The following POLD3 variants were observed in gnomAD, a reference collection of about 807,000 sequenced individuals.
POLD3 encodes DNA polymerase delta subunit 3.
In POLD3, 19 loss-of-function variants were observed where a neutral mutation model predicts 58.2. That is an observed-to-expected ratio of 0.33 (90% CI 0.23 to 0.48). The LOEUF is 0.48. Ranked by LOEUF, POLD3 falls within the 20% of genes least tolerant of loss-of-function variation. POLD3 has a pLI of 0.99. For synonymous variants in POLD3, 172 were observed against 193.5 expected (o/e 0.89, Z 0.92); for missense variants, 504 against 545.5 (o/e 0.92, Z 0.76).
chr11:74,610,026 A>T (rs2135134722), intron 3 of POLD3, among the ~76,000 whole-genome samples: 1 of 152,256 alleles, frequency 6.6e-6, no homozygotes, highest in East Asian at 1.9e-4. Context: ...CTAGAGTAGG[A>T]TTGCTCGGTC....
chr11:74,641,989 C>T lies in POLD3; in HGVS notation c.*1223C>T. On this transcript the variant is annotated 3_prime_UTR_variant, in exon 12 of 12. Transcript: ENST00000263681. The stretch of plus-strand genomic sequence containing the variant: ...GACAGGCGGTGAGCTCAGTGGATTG[C>T]AGTGGTGTGCTGGTGATTTTGCACA... 7.1e-6 allele frequency: 7 copies of T among 985,414 alleles called. No homozygotes were observed. Among genetic ancestry groups the T allele is most frequent in the Non-Finnish European group, 8.4e-6 (7 of 829,936 alleles). 61.0% of individuals were successfully genotyped at this position (985,414 alleles called of 1,614,324 possible). A position where few individuals can be genotyped will look rare whatever the true frequency, so the allele number is the denominator to read the frequency against.
Position 74,648,161 on chromosome 11 carries a change from A to G in POLD3, c.369+11886A>G, listed in dbSNP as rs549928124. On this transcript the variant is annotated intron_variant, in intron 4 of 4. Coordinates refer to the POLD3 transcript ENST00000524752. ...GGGTGGATCAAAAGGAGCAAAATGA[A>G]TTATACCTTTACAATTGTCATTCTC... Among the ~76,000 whole-genome samples the G allele has an allele frequency of 2.6e-5, 4 of 152,340 alleles. No individual in the cohort carries two copies. The East Asian group carries it at 7.7e-4, about 29-fold the overall frequency.
chr11:74,606,750 C>T (rs1354854194), intron 3 of POLD3, among the ~76,000 whole-genome samples: 1 of 152,130 alleles, frequency 6.6e-6, no homozygotes, highest in African/African-American at 2.4e-5. Flanking sequence ...TTCCTCAGTG[C>T]ATATTTCCGA....
At chr11:74,651,437 C>T (rs929383812) in intron 4 of POLD3, among the ~76,000 whole-genome samples, 3 of 152,198 alleles carry the variant, frequency 2.0e-5, no homozygotes, top group African/African-American at 7.2e-5. Flanking sequence ...TAAAACTACA[C>T]AGTCATGAAC....
In POLD3 at chr11:74,612,391, G is replaced by A. The variant is rs552273835; in HGVS notation, c.260-487G>A. Reference sequence around the variant, plus strand: ...AGTTAGCTGCAATCCCTTCCTTCGCGGAACCTAACATTTATTCTTGTGGTG... The same window carrying A: ...AGTTAGCTGCAATCCCTTCCTTCGCAGAACCTAACATTTATTCTTGTGGTG... On this transcript the variant is annotated intron_variant, in intron 4 of 11. Coordinates refer to ENST00000263681, the MANE Select transcript of POLD3 (RefSeq NM_006591.3). Among the ~76,000 whole-genome samples the A allele has an allele frequency of 3.3e-5, 5 of 152,174 alleles. No individual in the cohort carries two copies. The East Asian group carries it at 7.7e-4, about 24-fold the overall frequency.
intron 4 of POLD3, among the ~76,000 whole-genome samples, chr11:74,662,986 A>G (rs971779796): frequency 3.9e-5 from 6 of 152,022 alleles, no homozygotes; most frequent in Admixed American, 6.6e-5. Flanking sequence ...CCCTCCCCCA[A>G]CCACACAGAT....
chr11:74,628,403 T>A (rs1426725485), intron 8 of POLD3, among the ~76,000 whole-genome samples: 1 of 152,160 alleles, frequency 6.6e-6, no homozygotes, highest in African/African-American at 2.4e-5. Context: ...CTTTTTCTAG[T>A]TCAAGGTAGA....
At chr11:74,645,970 G>A (rs150575047), downstream of POLD3, among the ~76,000 whole-genome samples, 928 of 149,254 alleles carry the variant, frequency 6.2e-3, 3 homozygotes, top group African/African-American at 0.022. Context: ...ACAGAGTCTC[G>A]CTCTGTCACC....
At position 74,618,237 on chromosome 11, in the gene POLD3, C is replaced by G. The variant is rs201803304; in HGVS notation, c.393-300C>G. 1.7e-3 allele frequency among the ~76,000 whole-genome samples: 13 copies of G among 7,452 alleles called. No homozygotes were observed. In the East Asian group the frequency reaches 0.029, roughly 17 times the overall value. The allele number at this position is 7,452 out of a possible 152,430, so 4.9% of individuals were successfully genotyped here. On this transcript the variant is annotated intron_variant, in intron 5 of 11. Coordinates refer to ENST00000263681, the MANE Select transcript of POLD3 (RefSeq NM_006591.3). ...TGAATTAGAATACTTTTATCAAAAACAAGAATATTCAATTAGTGGTAGAAG... is the reference window on the plus strand; with the variant it reads ...TGAATTAGAATACTTTTATCAAAAAGAAGAATATTCAATTAGTGGTAGAAG...
intron 4 of POLD3, among the ~76,000 whole-genome samples, chr11:74,665,758 A>G (rs529807635): frequency 1.3e-5 from 2 of 152,288 alleles, no homozygotes; most frequent in Non-Finnish European, 2.9e-5. Flanking sequence ...AACTTCCTCT[A>G]CCTCATAAAG....
downstream of POLD3, among the ~76,000 whole-genome samples, chr11:74,645,004 A>G (rs866031985): frequency 1.3e-5 from 2 of 152,234 alleles, no homozygotes; most frequent in African/African-American, 2.4e-5. Flanking sequence ...AGTCCTGGAT[A>G]AAATACTTTG....
chr11:74,624,812 T>C (rs185876477), intron 7 of POLD3, among the ~76,000 whole-genome samples: 202 of 152,342 alleles, frequency 1.3e-3, no homozygotes, highest in African/African-American at 4.6e-3. Context: ...ATAAATCATT[T>C]AACCAATACT....
rs2032517978 is a variant in POLD3 at position 74,629,266 on chromosome 11, A to G, written c.949A>G (p.Met317Val). The G allele has an allele frequency of 6.2e-7, 1 of 1,609,508 alleles. No homozygotes were observed. Among genetic ancestry groups the G allele is most frequent in the Non-Finnish European group, 8.5e-7 (1 of 1,177,386 alleles). ...TGATGAGACAAAGGAAACTGAAAACATGAGGAAAAAGAGGAGAAGAATCAA... is the reference window on the plus strand; with the variant it reads ...TGATGAGACAAAGGAAACTGAAAACGTGAGGAAAAAGAGGAGAAGAATCAA... Reference protein sequence around the residue: ...SDDETKETENMRKKRRRIKLP... With the variant: ...SDDETKETENVRKKRRRIKLP... The change falls in exon 9 of 12, where the codon ATG becomes GTG. Residue 317 changes from methionine (M) to valine (V), a missense_variant. By Grantham distance (21) the Met-to-Val change is conservative (BLOSUM62 1). This residue lies in a region of POLD3 where 385 missense variants were observed against 370.5 expected (regional missense o/e 1.04). Coordinates refer to ENST00000263681, the MANE Select transcript of POLD3 (RefSeq NM_006591.3).
chr11:74,619,303 C>T (rs1440698930), intron 6 of POLD3, among the ~76,000 whole-genome samples: 2 of 152,126 alleles, frequency 1.3e-5, no homozygotes, highest in East Asian at 3.8e-4. Flanking sequence ...AGGGCATTGA[C>T]TTAAGAAAAG....
At chr11:74,626,221 G>A (rs983100358) in intron 8 of POLD3, among the ~76,000 whole-genome samples, 2 of 152,146 alleles carry the variant, frequency 1.3e-5, no homozygotes, top group African/African-American at 4.8e-5. Context: ...AAATTTTAGA[G>A]GGTTAAAGCT....
At chr11:74,608,624 C>T (rs1403496253) in intron 3 of POLD3, among the ~76,000 whole-genome samples, 1 of 152,180 alleles carries the variant, frequency 6.6e-6, no homozygotes, top group Non-Finnish European at 1.5e-5. Context: ...CACCAGCTGG[C>T]ATTTCCATTC....
intron 10 of POLD3, among the ~76,000 whole-genome samples, chr11:74,635,550 A>G (rs912006582): frequency 2.6e-5 from 4 of 152,138 alleles, no homozygotes; most frequent in Non-Finnish European, 4.4e-5. Context: ...ATGGTGGCAC[A>G]TGCCTTTTAG....
At position 74,660,415 on chromosome 11, in the gene POLD3, C is replaced by T. The variant is rs564820462; in HGVS notation, c.370-8362C>T. On this transcript the variant is annotated intron_variant, in intron 4 of 4. Transcript: ENST00000524752. ...ACTATTATACTATCTCTTTCTCTAC[C>T]TCCTCTTTAAGGTCAATAACTCTTA... Among the ~76,000 whole-genome samples the T allele has an allele frequency of 1.2e-4, 19 of 152,284 alleles. No homozygotes were observed. The East Asian group carries it at 3.5e-3, about 28-fold the overall frequency.
At chr11:74,629,675 G>T (rs1482325537) in intron 9 of POLD3, among the ~76,000 whole-genome samples, 1 of 151,594 alleles carries the variant, frequency 6.6e-6, no homozygotes, top group Non-Finnish European at 1.5e-5. Flanking sequence ...GGCAGCCAGG[G>T]TATTACTGGT....
Sources: allele counts gnomAD v4.1 joint callset (sites outside exome capture counted in the v4.1 genomes callset), GRCh38; gene constraint gnomAD v4.1.1; regional missense constraint gnomAD v4.1.1; transcripts MANE v1.5; gene names NCBI Gene and HGNC (gene_info 2026-07-23, HGNC 2026-07-21).